Variants in DIAPH3 observed in about 807,000 individuals in gnomAD.
DIAPH3 encodes protein diaphanous homolog 3.
DIAPH3 carries 117 observed loss-of-function variants against 144.3 expected under a neutral mutation model. The ratio of observed to expected loss-of-function variants is 0.81; its 90% CI spans 0.70 to 0.95. The LOEUF (loss-of-function observed/expected upper bound fraction) is 0.95. Among genes scored for constraint, DIAPH3 ranks in the 40% least tolerant of loss-of-function variants. DIAPH3 has a pLI of 0.00. For missense variants in DIAPH3, 1,421 were observed against 1,412.7 expected (o/e 1.01, Z -0.09); for synonymous variants, 519 against 488.9 (o/e 1.06, Z -0.81).
At chr13:59,891,683 G>A (rs988478327) in intron 20 of DIAPH3, among the ~76,000 whole-genome samples, 2 of 151,914 alleles carry the variant, frequency 1.3e-5, no homozygotes, top group African/African-American at 4.8e-5. Context: ...ATAAATTGCA[G>A]AAGCATTTAA....
At chr13:59,987,331 G>GC (rs1358322290) in intron 12 of DIAPH3, among the ~76,000 whole-genome samples, 1 of 151,508 alleles carries the variant, frequency 6.6e-6, no homozygotes, top group Non-Finnish European at 1.5e-5. Flanking sequence ...GTGGTGGGGT[G>GC]GGGGGAGTGG....
At chr13:59,879,512 A>G (rs376714296) in intron 20 of DIAPH3, 44 bp from the exon 21 acceptor site, 2 of 1,611,690 alleles carry the variant, frequency 1.2e-6, no homozygotes, top group East Asian at 2.2e-5. Context: ...AATGCATGGT[A>G]TAGTTTAGTA....
intron 4 of DIAPH3, among the ~76,000 whole-genome samples, chr13:60,062,547 TC>T (rs1333778295): frequency 6.6e-6 from 1 of 151,958 alleles, no homozygotes; most frequent in Non-Finnish European, 1.5e-5. Context: ...CTCATGAACA[TC>T]ATGAATGAAT....
intron 3 of DIAPH3, among the ~76,000 whole-genome samples, chr13:60,111,279 T>C (rs2058560702): frequency 6.6e-6 from 1 of 152,146 alleles, no homozygotes. Context: ...GAAAGTGAGT[T>C]CAAGTCTCCA....
chr13:59,845,132 G>A (rs1422861956), intron 22 of DIAPH3, among the ~76,000 whole-genome samples: 3 of 148,712 alleles, frequency 2.0e-5, no homozygotes, highest in African/African-American at 2.5e-5. Flanking sequence ...TGCAAACTCC[G>A]CCTCCTGGGT....
At chr13:59,914,465 A>G (rs2047136991) in intron 19 of DIAPH3, among the ~76,000 whole-genome samples, 4 of 152,236 alleles carry the variant, frequency 2.6e-5, no homozygotes. Context: ...AAAGATGTAC[A>G]TGACTAATCC....
intron 2 of DIAPH3, among the ~76,000 whole-genome samples, chr13:60,129,570 T>C (rs182818056): frequency 2.0e-4 from 30 of 152,308 alleles, no homozygotes; most frequent in African/African-American, 5.1e-4. Context: ...CATTAATGCT[T>C]CCCGTGATGT....
At chr13:60,009,049 CAAG>C (rs2053068357) in intron 8 of DIAPH3, among the ~76,000 whole-genome samples, 1 of 152,150 alleles carries the variant, frequency 6.6e-6, no homozygotes, top group Admixed American at 6.5e-5. Context: ...AATGGTGGAG[CAAG>C]AATCTGAAAC....
chr13:59,814,861 T>C (rs1056693696), intron 24 of DIAPH3, among the ~76,000 whole-genome samples: 11 of 152,238 alleles, frequency 7.2e-5, no homozygotes, highest in African/African-American at 2.7e-4. Context: ...AGTGGAATGA[T>C]AACCACCATT....
At chr13:59,684,177 A>T (rs1231991659) in intron 27 of DIAPH3, among the ~76,000 whole-genome samples, 4 of 152,186 alleles carry the variant, frequency 2.6e-5, no homozygotes, top group Admixed American at 1.3e-4. Context: ...AGGCAAATTA[A>T]AAACCCTTTT....
intron 1 of DIAPH3, among the ~76,000 whole-genome samples, chr13:60,156,443 G>A (rs970965089): frequency 1.3e-5 from 2 of 152,278 alleles, no homozygotes; most frequent in South Asian, 2.1e-4. Context: ...ATAGGGAAGA[G>A]GGAAGTGGGG....
At chr13:59,992,322 C>A in intron 10 of DIAPH3, 136 bp from the exon 11 acceptor site, 1 of 1,001,922 alleles carries the variant, frequency 1.0e-6, no homozygotes, top group Non-Finnish European at 1.5e-6. Context: ...AAATAACACT[C>A]GAATCTTATC....
In DIAPH3 at chr13:59,810,768, A is replaced by T; in HGVS notation, c.3163+20T>A. 6.2e-7 allele frequency: 1 copy of T among 1,610,966 alleles called. No homozygotes were observed. Among genetic ancestry groups the T allele is most frequent in the Admixed American group, 1.7e-5 (1 of 59,848 alleles). On this transcript the variant is annotated intron_variant, in intron 25 of 27. Transcript: ENST00000400324. Reference sequence around the variant, plus strand: ...ATCTTAAGTATACATAGAATAAATAACAAATTTGATAGTACTCACCAGTCT... The same window carrying T: ...ATCTTAAGTATACATAGAATAAATATCAAATTTGATAGTACTCACCAGTCT...
intron 27 of DIAPH3, among the ~76,000 whole-genome samples, chr13:59,763,082 T>G (rs1434563021): frequency 6.6e-6 from 1 of 152,048 alleles, no homozygotes; most frequent in Non-Finnish European, 1.5e-5. Context: ...CAGCAAAAAA[T>G]AGACAAAACA....
intron 27 of DIAPH3, among the ~76,000 whole-genome samples, chr13:59,706,481 C>T (rs186876918): frequency 4.6e-5 from 7 of 152,240 alleles, no homozygotes; most frequent in Middle Eastern, 3.4e-3. Context: ...ATTAAGAATA[C>T]AAATAAAATA....
chr13:59,840,447 C>G (rs1033272799), intron 22 of DIAPH3, among the ~76,000 whole-genome samples: 1 of 150,804 alleles, frequency 6.6e-6, no homozygotes, highest in Admixed American at 6.6e-5. Flanking sequence ...AAATGCCCAA[C>G]AAAATGAAAC....
At chr13:59,690,667 C>T (rs1009922714) in intron 27 of DIAPH3, among the ~76,000 whole-genome samples, 1 of 152,120 alleles carries the variant, frequency 6.6e-6, no homozygotes, top group Non-Finnish European at 1.5e-5. Context: ...AATTCCAAAA[C>T]AACTGATTTA....
At chr13:60,145,627 T>A (rs1332050416) in intron 1 of DIAPH3, among the ~76,000 whole-genome samples, 4 of 152,296 alleles carry the variant, frequency 2.6e-5, no homozygotes, top group Middle Eastern at 3.4e-3. Context: ...CCAGCCTGGG[T>A]GACAGAGCGA....
intron 20 of DIAPH3, among the ~76,000 whole-genome samples, chr13:59,885,796 G>T (rs924740191): frequency 6.6e-6 from 1 of 152,026 alleles, no homozygotes; most frequent in East Asian, 1.9e-4. Flanking sequence ...ACCCAGAAAC[G>T]CCAAGGATCG....
Sources: gnomAD v4.1 joint callset for allele counts (sites outside exome capture counted in the v4.1 genomes callset) on GRCh38, gnomAD v4.1.1 for gene constraint, MANE v1.5 for transcripts, NCBI Gene and HGNC (gene_info 2026-07-23, HGNC 2026-07-21) for gene names.